Variants in ARL5A observed in about 807,000 individuals in gnomAD.
The protein encoded by ARL5A is ADP-ribosylation factor-like protein 5A.
Under a neutral mutation model 25.9 loss-of-function variants are expected in ARL5A, and 18 were observed. The ratio of observed to expected loss-of-function variants is 0.69; its 90% confidence interval spans 0.48 to 1.03. The LOEUF (loss-of-function observed/expected upper bound fraction) is 1.03. Ranked by LOEUF, ARL5A falls within the 50% of genes least tolerant of loss-of-function variation. ARL5A has a pLI of 0.00. For missense variants in ARL5A, 170 were observed against 211.9 expected, an observed-to-expected ratio of 0.80 and a Z score of 1.23; for synonymous variants, 61 against 67.5, an observed-to-expected ratio of 0.90 and a Z score of 0.47.
Position 151,815,127 on chromosome 2 carries a change from G to C in ARL5A, c.107+12C>G. ...TAGAAATAAAATAATTTTTAAAATAGTTAATACTTACAATTGGTAAAGAAT... is the reference window on the plus strand; with the variant it reads ...TAGAAATAAAATAATTTTTAAAATACTTAATACTTACAATTGGTAAAGAAT... On this transcript the variant is annotated intron_variant, in intron 2 of 5. Coordinates refer to ENST00000295087, the MANE Select transcript of ARL5A (RefSeq NM_012097.4). The C allele has an allele frequency of 6.3e-7, 1 of 1,584,228 alleles. No homozygotes were observed. Among genetic ancestry groups the C allele is most frequent in the Non-Finnish European group, 8.6e-7 (1 of 1,160,104 alleles).
chr2:151,828,407 C>T lies in ARL5A; in HGVS notation c.-231G>A. On this transcript the variant is annotated 5_prime_UTR_variant, in exon 1 of 6. Coordinates refer to ENST00000295087, the MANE Select transcript of ARL5A (RefSeq NM_012097.4). ...CACTCGCCTGGCTCGCGGACATCGC[C>T]GCCGCGTTGTCTGCGACGAGCCTCG... 2.6e-6 allele frequency: 1 copy of T among 382,646 alleles called. No individual in the cohort carries two copies. The highest frequency in any genetic ancestry group is 7.9e-5 in the South Asian group (1 of 12,600). 23.7% of individuals were successfully genotyped at this position (382,646 alleles called of 1,614,324 possible).
At position 151,806,892 on chromosome 2, in the gene ARL5A, C is replaced by T. The variant is rs61737675; in HGVS notation, c.420G>A (p.Gln140=). 29,224 of 1,613,330 alleles carry T rather than the reference C, an allele frequency of 0.018. 352 individuals carry two copies. Among genetic ancestry groups the T allele is most frequent in the African/African-American group, 0.03 (2,280 of 74,998 alleles). Residue 140 remains glutamine, a synonymous_variant, in exon 5 of 6, where the codon CAG becomes CAA. Transcript: ENST00000295087. ...KECMTVAEIS[Q]FLKLTSIKDH... ...CTTTAATAGAAGTTAGCTTCAAAAACTGGGAGATTTCTGCTACAGTCATGC... is the reference window on the plus strand; with the variant it reads ...CTTTAATAGAAGTTAGCTTCAAAAATTGGGAGATTTCTGCTACAGTCATGC...
intron 1 of ARL5A, among the ~76,000 whole-genome samples, chr2:151,821,952 G>A (rs989136615): frequency 1.3e-5 from 2 of 151,334 alleles, no homozygotes; most frequent in Non-Finnish European, 3.0e-5. Flanking sequence ...CAGGTTCAAG[G>A]GATTCTCCTG....
In ARL5A at chr2:151,801,534, T is replaced by C. The variant is rs950340638; in HGVS notation, c.*1742A>G. 1.3e-5 allele frequency: 2 copies of C among 152,142 alleles called. No homozygotes were observed. The highest frequency in any genetic ancestry group is 2.9e-5 in the Non-Finnish European group (2 of 67,972). 9.4% of individuals were successfully genotyped at this position (152,142 alleles called of 1,614,324 possible). A position where few individuals can be genotyped will look rare whatever the true frequency, so the allele number is the denominator to read the frequency against. ...GAACATATGGGAAAAGCTTAGTAAT[T>C]TAAGATTTACTTTTGTAAAACCATG... On this transcript the variant is annotated 3_prime_UTR_variant, in exon 6 of 6. Transcript: ENST00000295087.
At chr2:151,807,139 T>A (rs997867955) in intron 4 of ARL5A, among the ~76,000 whole-genome samples, 167 bp from the exon 5 acceptor site, 3 of 152,160 alleles carry the variant, frequency 2.0e-5, no homozygotes, top group Non-Finnish European at 4.4e-5. Context: ...CTTGTATGTG[T>A]TTACATATTT....
rs528959579 is a variant in ARL5A, at chr2:151,799,222, C to T, written c.*4054G>A. On this transcript the variant is annotated 3_prime_UTR_variant, in exon 6 of 6. Transcript: ENST00000295087. ...AGACATATTTCTCTATCTGCATTTA[C>T]AGTCAATGCATGACAAGTGATTATT... 2 of 152,260 alleles carry T rather than the reference C, an allele frequency of 1.3e-5. No homozygotes were observed. The highest frequency in any genetic ancestry group is 2.1e-4 in the South Asian group (1 of 4,828). The allele number at this position is 152,260 out of a possible 1,614,324, so 9.4% of individuals were successfully genotyped here. A position where few individuals can be genotyped will look rare whatever the true frequency, so the allele number is the denominator to read the frequency against.
rs1470577216 is a variant in ARL5A, at chr2:151,800,282, A to G, written c.*2994T>C. The G allele has an allele frequency of 6.6e-6, 1 of 152,240 alleles. No homozygotes were observed. Among genetic ancestry groups the G allele is most frequent in the African/African-American group, 2.4e-5 (1 of 41,466 alleles). 9.4% of individuals were successfully genotyped at this position (152,240 alleles called of 1,614,324 possible). A position where few individuals can be genotyped will look rare whatever the true frequency, so the allele number is the denominator to read the frequency against. On this transcript the variant is annotated 3_prime_UTR_variant, in exon 6 of 6. Coordinates refer to ENST00000295087, the MANE Select transcript of ARL5A (RefSeq NM_012097.4). ...AAGTGCCTATACAAGAGGGAACAATAGAGTCCTATTTCTAGGCATCTTAAT... is the reference window on the plus strand; with the variant it reads ...AAGTGCCTATACAAGAGGGAACAATGGAGTCCTATTTCTAGGCATCTTAAT...
intron 1 of ARL5A, among the ~76,000 whole-genome samples, chr2:151,825,993 C>T (rs570415624): frequency 4.6e-5 from 7 of 152,012 alleles, no homozygotes; most frequent in African/African-American, 1.4e-4. Context: ...TGTGGTGGCA[C>T]GCACCTGTAG....
intron 3 of ARL5A, among the ~76,000 whole-genome samples, chr2:151,812,943 A>G (rs1213174596): frequency 2.6e-5 from 4 of 152,188 alleles, no homozygotes; most frequent in Non-Finnish European, 4.4e-5. Context: ...TCTTCCTTAC[A>G]TAAGTATCGC....
chr2:151,821,823 C>G (rs1439994249), intron 1 of ARL5A, among the ~76,000 whole-genome samples: 3 of 135,942 alleles, frequency 2.2e-5, no homozygotes, highest in Non-Finnish European at 4.6e-5. Flanking sequence ...GGAGTCTCGC[C>G]GTATGCCCAG....
At position 151,802,182 on chromosome 2, in the gene ARL5A, T is replaced by A. The variant is rs2099829514; in HGVS notation, c.*1094A>T. The A allele has an allele frequency of 6.6e-6, 1 of 152,110 alleles. No individual in the cohort carries two copies. The highest frequency in any genetic ancestry group is 1.5e-5 in the Non-Finnish European group (1 of 67,972). 9.4% of individuals were successfully genotyped at this position (152,110 alleles called of 1,614,324 possible). A position where few individuals can be genotyped will look rare whatever the true frequency, so the allele number is the denominator to read the frequency against. ...AGAAGAAATTTGCAAATTAAGAAAT[T>A]ATCAATGTTGCTCAGAAACATGCCT... On this transcript the variant is annotated 3_prime_UTR_variant, in exon 6 of 6. Transcript: ENST00000295087.
At chr2:151,822,212 T>C (rs1208523472) in intron 1 of ARL5A, among the ~76,000 whole-genome samples, 1 of 152,190 alleles carries the variant, frequency 6.6e-6, no homozygotes, top group Non-Finnish European at 1.5e-5. Context: ...GGTTTTGCCA[T>C]GTTGGCCAAG....
At chr2:151,807,079 ATG>A (rs1254408250) in intron 4 of ARL5A, 107 bp from the exon 5 acceptor site, 2 of 1,045,368 alleles carry the variant, frequency 1.9e-6, no homozygotes, top group East Asian at 5.0e-5. Flanking sequence ...TTTCTCAACT[ATG>A]TGACATAAAA....
intron 1 of ARL5A, 30 bp downstream of exon 1, chr2:151,828,101 A>G (rs12619358): frequency 8.0e-5 from 128 of 1,598,608 alleles, no homozygotes; most frequent in Non-Finnish European, 1.0e-4. Flanking sequence ...CCTCTCCCCA[A>G]CCCGTACGCC....
chr2:151,804,569 A>T (rs1010152284), intron 5 of ARL5A, among the ~76,000 whole-genome samples: 1 of 152,180 alleles, frequency 6.6e-6, no homozygotes, highest in Non-Finnish European at 1.5e-5. Context: ...CTGTGACTAG[A>T]TTCATTACTT....
At chr2:151,809,358 G>A (rs1176638736) in intron 4 of ARL5A, among the ~76,000 whole-genome samples, 1 of 152,032 alleles carries the variant, frequency 6.6e-6, no homozygotes, top group Non-Finnish European at 1.5e-5. Flanking sequence ...AAAAAACAAA[G>A]CCATTTAATA....
chr2:151,825,003 AC>A (rs2099832850), intron 1 of ARL5A, among the ~76,000 whole-genome samples: 1 of 152,210 alleles, frequency 6.6e-6, no homozygotes, highest in African/African-American at 2.4e-5. Context: ...ACCTGTGTGA[AC>A]CTTGCACAAG....
chr2:151,828,123 C>T lies in ARL5A; in HGVS notation c.46+8G>A. ...CCAACCCGTACGCCCGCGGACCGAGCTCCTCACCCTGGTGATTGAACAGTC... is the reference window on the plus strand; with the variant it reads ...CCAACCCGTACGCCCGCGGACCGAGTTCCTCACCCTGGTGATTGAACAGTC... On this transcript the variant is annotated splice_region_variant and intron_variant, in intron 1 of 5. Transcript: ENST00000295087. 1 of 1,608,736 alleles carries T rather than the reference C, an allele frequency of 6.2e-7. No individual in the cohort carries two copies. Among genetic ancestry groups the T allele is most frequent in the Non-Finnish European group, 8.5e-7 (1 of 1,177,546 alleles).
At chr2:151,824,832 G>C (rs188365786) in intron 1 of ARL5A, among the ~76,000 whole-genome samples, 1 of 151,920 alleles carries the variant, frequency 6.6e-6, no homozygotes, top group African/African-American at 2.4e-5. Context: ...AAATAACTCC[G>C]GCACTACGTA....
Sources: gnomAD v4.1 joint callset for allele counts (sites outside exome capture counted in the v4.1 genomes callset) on GRCh38, gnomAD v4.1.1 for gene constraint, MANE v1.5 for transcripts, NCBI Gene and HGNC (gene_info 2026-07-23, HGNC 2026-07-21) for gene names.